Variants in GRM7 observed in about 807,000 individuals in gnomAD.
The protein encoded by GRM7 is metabotropic glutamate receptor 7.
Under a neutral mutation model 84.5 loss-of-function variants are expected in GRM7, and 35 were observed. The observed-to-expected ratio is 0.41, with a 90% confidence interval of 0.32 to 0.55. The LOEUF is 0.55. GRM7 is among the 20% of genes least tolerant of loss of function. The probability of loss-of-function intolerance (pLI) is 0.19; values close to 1 mark genes in which losing one functional copy is unlikely to be tolerated. For missense variants in GRM7, 1,003 were observed against 1,194.6 expected, an observed-to-expected ratio of 0.84 and a Z score of 2.36; for synonymous variants, 487 against 455.1, an observed-to-expected ratio of 1.07 and a Z score of -0.89.
At position 7,442,778 on chromosome 3, in the gene GRM7, T is replaced by C. The variant is rs1345798408; in HGVS notation, c.1175-9829T>C. On this transcript the variant is annotated intron_variant, in intron 5 of 9. Transcript: ENST00000357716. ...AAGCACATTAATCCAAGAGCATCTG[T>C]AAGACTTGACATGAGAGTGGAAACC... Among the ~76,000 whole-genome samples the C allele has an allele frequency of 2.6e-5, 4 of 152,138 alleles. No homozygotes were observed. In the South Asian group the frequency reaches 6.2e-4, roughly 24 times the overall value.
chr3:6,994,536 A>G (rs1375499571), intron 1 of GRM7, among the ~76,000 whole-genome samples: 2 of 152,310 alleles, frequency 1.3e-5, no homozygotes, highest in East Asian at 1.9e-4. Context: ...CATTGCCACA[A>G]TATCTCAATG....
At chr3:6,895,782 C>G (rs946069085) in intron 1 of GRM7, among the ~76,000 whole-genome samples, 3 of 152,130 alleles carry the variant, frequency 2.0e-5, no homozygotes, top group African/African-American at 7.2e-5. Context: ...TCTAAGTTAT[C>G]CACATAATAT....
intron 1 of GRM7, among the ~76,000 whole-genome samples, chr3:7,134,004 T>TAC (rs960448849): frequency 2.7e-4 from 41 of 152,080 alleles, no homozygotes; most frequent in African/African-American, 9.2e-4. Context: ...CGTTACATAC[T>TAC]ACACACACAC....
rs1695607428 is a variant in GRM7 at position 7,188,741 on chromosome 3, A to C, written c.736+42073A>C. 6.6e-6 allele frequency among the ~76,000 whole-genome samples: 1 copy of C among 152,142 alleles called. No individual in the cohort carries two copies. The highest frequency in any genetic ancestry group is 2.4e-5 in the African/African-American group (1 of 41,428). On this transcript the variant is annotated intron_variant, in intron 2 of 9. Transcript: ENST00000357716. This position sits in a 1 kb window ranked among gnomAD's most constrained non-coding sequence, Gnocchi z 4.2. ...CAAGGCATCTGTTTTCTATTGGTGG[A>C]CAGCTTTCTCCCATGTGGCAATTTT...
At chr3:7,273,497 T>C (rs1288981546) in intron 2 of GRM7, among the ~76,000 whole-genome samples, 1 of 152,120 alleles carries the variant, frequency 6.6e-6, no homozygotes, top group Non-Finnish European at 1.5e-5. Flanking sequence ...TCTCTACTTG[T>C]AGTTTTATCA....
Position 7,099,183 on chromosome 3 carries a change from C to CATAT in GRM7, c.520-47259_520-47256dup, listed in dbSNP as rs112788452. On this transcript the variant is annotated intron_variant, in intron 1 of 9. Transcript: ENST00000357716. ...CCAAAGAAGTTCGCAGGTTTAATTG[C>CATAT]ATATATATATATACGTATTATTATA... Among the ~76,000 whole-genome samples, 963 of 146,506 alleles carry CATAT rather than the reference C, an allele frequency of 6.6e-3. 20 individuals are homozygous for CATAT. The highest frequency in any genetic ancestry group is 0.024 in the African/African-American group (928 of 39,446).
At chr3:7,628,738 T>C (rs1697733597) in intron 8 of GRM7, among the ~76,000 whole-genome samples, 1 of 151,970 alleles carries the variant, frequency 6.6e-6, no homozygotes, top group African/African-American at 2.4e-5. Context: ...CTGTTTGCAG[T>C]GGAAGGATAA....
At chr3:7,568,896 C>T (rs13325509) in intron 7 of GRM7, among the ~76,000 whole-genome samples, 7,959 of 152,090 alleles carry the variant, frequency 0.052, 542 homozygotes, top group African/African-American at 0.16. Flanking sequence ...GGCTCCTGTG[C>T]GGCCCCAGCC....
At position 7,679,616 on chromosome 3, in the gene GRM7, T is replaced by C. The variant is rs571862446; in HGVS notation, c.2452-433T>C. 6.6e-5 allele frequency among the ~76,000 whole-genome samples: 10 copies of C among 152,298 alleles called. No individual in the cohort carries two copies. In the East Asian group the frequency reaches 1.9e-3, roughly 29 times the overall value. ...AGACATACATTAAGATAAAGACTTCTCAAAAGGCCCCAGAATCTCAATGTA... is the reference window on the plus strand; with the variant it reads ...AGACATACATTAAGATAAAGACTTCCCAAAAGGCCCCAGAATCTCAATGTA... On this transcript the variant is annotated intron_variant, in intron 8 of 9. Coordinates refer to ENST00000357716, the MANE Select transcript of GRM7 (RefSeq NM_000844.4).
At position 7,027,598 on chromosome 3, in the gene GRM7, T is replaced by G. The variant is rs529328888; in HGVS notation, c.520-118854T>G. Among the ~76,000 whole-genome samples the G allele has an allele frequency of 1.9e-3, 291 of 152,288 alleles. 1 individual carries two copies. The highest frequency in any genetic ancestry group is 6.4e-3 in the African/African-American group (267 of 41,566). On this transcript the variant is annotated intron_variant, in intron 1 of 9. Coordinates refer to ENST00000357716, the MANE Select transcript of GRM7 (RefSeq NM_000844.4). ...GCTTTTGCCTCTCTTCTGCTGGCTC[T>G]CCACATGTATACTGGAATGATCTTA...
intron 1 of GRM7, among the ~76,000 whole-genome samples, chr3:7,027,455 A>G (rs1574805455): frequency 6.6e-6 from 1 of 152,362 alleles, no homozygotes; most frequent in South Asian, 2.1e-4. Flanking sequence ...ATCACATTGT[A>G]CATTTTGATT....
At chr3:7,275,980 GT>G (rs1476256602) in intron 2 of GRM7, among the ~76,000 whole-genome samples, 2 of 152,072 alleles carry the variant, frequency 1.3e-5, no homozygotes, top group Non-Finnish European at 2.9e-5. Flanking sequence ...TAGCTCATGA[GT>G]TTTTGCTCTG....
intron 5 of GRM7, 58 bp downstream of exon 5, chr3:7,415,221 C>T: frequency 1.4e-6 from 2 of 1,381,734 alleles, no homozygotes; most frequent in Non-Finnish European, 1.0e-6. Flanking sequence ...ACTGACATGT[C>T]TGCATAGCTG....
chr3:7,501,199 T>C (rs1395857633), intron 7 of GRM7, among the ~76,000 whole-genome samples: 1 of 152,226 alleles, frequency 6.6e-6, no homozygotes, highest in Non-Finnish European at 1.5e-5. Context: ...ATAAAGTAGA[T>C]AATATCATTA....
At chr3:7,457,853 AAT>A (rs1698082960) in intron 6 of GRM7, among the ~76,000 whole-genome samples, 1 of 152,268 alleles carries the variant, frequency 6.6e-6, no homozygotes, top group Middle Eastern at 3.4e-3. Context: ...CCGGTTAGCC[AAT>A]ATCAACTGTC....
chr3:7,000,067 T>C (rs1694955017), intron 1 of GRM7, among the ~76,000 whole-genome samples: 1 of 152,162 alleles, frequency 6.6e-6, no homozygotes, highest in Non-Finnish European at 1.5e-5. Context: ...CACAGGAGTT[T>C]ACATAATATT....
chr3:7,240,726 A>G (rs1010847409), intron 2 of GRM7, among the ~76,000 whole-genome samples: 1 of 152,148 alleles, frequency 6.6e-6, no homozygotes, highest in Non-Finnish European at 1.5e-5. Flanking sequence ...TGAAGGTAGC[A>G]TGGTTTTTAG....
At chr3:7,037,976 G>C (rs1242601568) in intron 1 of GRM7, among the ~76,000 whole-genome samples, 1 of 152,114 alleles carries the variant, frequency 6.6e-6, no homozygotes, top group Non-Finnish European at 1.5e-5. Context: ...CTAATTGCTT[G>C]CCATATTAAA....
At position 7,400,993 on chromosome 3, in the gene GRM7, A is replaced by G. The variant is rs558651425; in HGVS notation, c.1034-14030A>G. Among the ~76,000 whole-genome samples the G allele has an allele frequency of 3.9e-5, 6 of 152,114 alleles. No homozygotes were observed. The East Asian group carries it at 1.2e-3, about 29-fold the overall frequency. ...TTTTTAGTAAGCATTAGCTGGAATCATTGGTATTGTTTTTATTTTCTTATC... is the reference window on the plus strand; with the variant it reads ...TTTTTAGTAAGCATTAGCTGGAATCGTTGGTATTGTTTTTATTTTCTTATC... On this transcript the variant is annotated intron_variant, in intron 4 of 9. Transcript: ENST00000357716.
Sources: gnomAD v4.1 joint callset for allele counts (sites outside exome capture counted in the v4.1 genomes callset) on GRCh38, gnomAD v4.1.1 for gene constraint, Gnocchi (gnomAD v3.1) non-coding constraint, MANE v1.5 for transcripts, NCBI Gene and HGNC (gene_info 2026-07-23, HGNC 2026-07-21) for gene names.